The following GOLIM4 variants were observed in gnomAD, a reference collection of about 807,000 sequenced individuals.
GOLIM4 encodes golgi integral membrane protein 4.
GOLIM4 carries 71 observed loss-of-function variants against 107.4 expected under a neutral mutation model. That is an observed-to-expected ratio of 0.66 (90% CI 0.55 to 0.81). The LOEUF (loss-of-function observed/expected upper bound fraction) is 0.81, where lower values mean the gene tolerates loss of function less well. Ranked by LOEUF, GOLIM4 falls within the 30% of genes least tolerant of loss-of-function variation. GOLIM4 has a pLI of 0.00. For missense variants in GOLIM4, 830 were observed against 826.1 expected, an observed-to-expected ratio of 1.00 and a Z score of -0.06; for synonymous variants, 327 against 294.8, an observed-to-expected ratio of 1.11 and a Z score of -1.12.
chr3:168,051,514 T>C (rs554744679), intron 1 of GOLIM4, among the ~76,000 whole-genome samples: 1 of 152,304 alleles, frequency 6.6e-6, no homozygotes, highest in South Asian at 2.1e-4. Flanking sequence ...ATTGTTAAAA[T>C]TCAAAGGTCT....
At chr3:168,061,358 C>A (rs1373206920) in intron 1 of GOLIM4, among the ~76,000 whole-genome samples, 2 of 152,178 alleles carry the variant, frequency 1.3e-5, no homozygotes, top group African/African-American at 2.4e-5. Context: ...AGGAACTCTT[C>A]TACTTTGCTA....
At chr3:168,021,029 T>A (rs1717647742) in intron 14 of GOLIM4, among the ~76,000 whole-genome samples, 1 of 152,222 alleles carries the variant, frequency 6.6e-6, no homozygotes, top group Non-Finnish European at 1.5e-5. Flanking sequence ...AAACAATGCT[T>A]CTTGTTACTC....
intron 1 of GOLIM4, among the ~76,000 whole-genome samples, chr3:168,064,055 C>A (rs1720417286): frequency 6.6e-6 from 1 of 152,140 alleles, no homozygotes; most frequent in African/African-American, 2.4e-5. Flanking sequence ...CATAATATCA[C>A]CCAAGATGGT....
At chr3:168,069,489 C>G (rs1167498900) in intron 1 of GOLIM4, among the ~76,000 whole-genome samples, 2 of 152,084 alleles carry the variant, frequency 1.3e-5, no homozygotes, top group Non-Finnish European at 2.9e-5. Context: ...AATTGATTTT[C>G]CTTCATTTTT....
At chr3:168,055,211 TGGAGG>T (rs1719876524) in intron 1 of GOLIM4, among the ~76,000 whole-genome samples, 1 of 152,106 alleles carries the variant, frequency 6.6e-6, no homozygotes, top group Non-Finnish European at 1.5e-5. Flanking sequence ...TGTAACAGCT[TGGAGG>T]CTCAGAAGAA....
At chr3:168,087,591 T>C (rs1262175624) in intron 1 of GOLIM4, among the ~76,000 whole-genome samples, 3 of 152,204 alleles carry the variant, frequency 2.0e-5, no homozygotes, top group Non-Finnish European at 4.4e-5. Flanking sequence ...ACACCCGTTA[T>C]TTCTGATTCT....
Position 168,029,896 on chromosome 3 carries a change from C to A in GOLIM4, c.1317G>T (p.Leu439=), listed in dbSNP as rs1481246636. 1.2e-6 allele frequency: 2 copies of A among 1,614,160 alleles called. No homozygotes were observed. The highest frequency in any genetic ancestry group is 1.7e-6 in the Non-Finnish European group (2 of 1,180,040). ...EHQEALHQQR[L]QGHLLRQQEQ... Reference sequence around the variant, plus strand: ...CCTGCTGCCGTAGTAAGTGCCCCTGCAGCCTCTGCTGGTGCAAAGCTTCCT... The same window carrying A: ...CCTGCTGCCGTAGTAAGTGCCCCTGAAGCCTCTGCTGGTGCAAAGCTTCCT... Residue 439 remains leucine (L), a synonymous_variant, in exon 10 of 16, where the codon CTG becomes CTT. Coordinates refer to ENST00000470487, the MANE Select transcript of GOLIM4 (RefSeq NM_014498.5).
intron 1 of GOLIM4, among the ~76,000 whole-genome samples, chr3:168,064,473 C>T (rs1370188682): frequency 6.6e-6 from 1 of 151,988 alleles, no homozygotes; most frequent in Non-Finnish European, 1.5e-5. Context: ...CTTTTGAGTC[C>T]GTTATAAGAA....
At chr3:168,085,473 A>G (rs1051477727) in intron 1 of GOLIM4, among the ~76,000 whole-genome samples, 1 of 152,232 alleles carries the variant, frequency 6.6e-6, no homozygotes, top group East Asian at 1.9e-4. Context: ...GCTAATGGAG[A>G]AAATTCAAAG....
intron 1 of GOLIM4, among the ~76,000 whole-genome samples, chr3:168,068,897 C>T (rs947993006): frequency 2.0e-5 from 3 of 150,950 alleles, no homozygotes; most frequent in Non-Finnish European, 4.4e-5. Flanking sequence ...AGCTCAATGG[C>T]ACGATCTCGG....
intron 1 of GOLIM4, among the ~76,000 whole-genome samples, chr3:168,069,818 G>T (rs1260631023): frequency 2.0e-5 from 3 of 152,102 alleles, no homozygotes; most frequent in Non-Finnish European, 4.4e-5. Context: ...TTCCTTAAAG[G>T]AAATCTTAAA....
intron 1 of GOLIM4, among the ~76,000 whole-genome samples, chr3:168,072,066 C>A (rs901538773): frequency 1.3e-5 from 2 of 152,122 alleles, no homozygotes; most frequent in African/African-American, 4.8e-5. Context: ...AATTCTGGTA[C>A]CACTCTGTGG....
In GOLIM4 at chr3:168,037,184, AGAAACAGAGCTGAAG is replaced by A. The variant is rs1378748081; in HGVS notation, c.685-205_685-191del. 2.0e-5 allele frequency among the ~76,000 whole-genome samples: 3 copies of A among 152,148 alleles called. No individual in the cohort carries two copies. The East Asian group carries it at 5.8e-4, about 29-fold the overall frequency. On this transcript the variant is annotated intron_variant, in intron 7 of 15. Transcript: ENST00000470487. ...AATCATTTTTGAGCGCATGCAAATT[AGAAACAGAGCTGAAG>A]GAAACAGAAAAAATATCTAAGACAG...
At chr3:168,050,152 A>C (rs1006555538) in intron 1 of GOLIM4, among the ~76,000 whole-genome samples, 4 of 152,154 alleles carry the variant, frequency 2.6e-5, no homozygotes, top group Non-Finnish European at 1.5e-5. Flanking sequence ...TTATAAAGGA[A>C]TTCAATATAA....
At chr3:168,052,177 G>A (rs138022772) in intron 1 of GOLIM4, among the ~76,000 whole-genome samples, 1 of 152,212 alleles carries the variant, frequency 6.6e-6, no homozygotes, top group Admixed American at 6.5e-5. Flanking sequence ...AGTTAAATGA[G>A]TTCATATATA....
At chr3:168,019,383 TAAAAACA>T (rs1717555496) in intron 14 of GOLIM4, among the ~76,000 whole-genome samples, 2 of 152,132 alleles carry the variant, frequency 1.3e-5, no homozygotes, top group Non-Finnish European at 2.9e-5. Flanking sequence ...TATATATATC[TAAAAACA>T]ATAAACAACT....
rs1180486095 is a variant in GOLIM4, at chr3:168,032,747, G to A, written c.949C>T (p.Pro317Ser). The A allele has an allele frequency of 8.7e-6, 14 of 1,613,960 alleles. No individual in the cohort carries two copies. Among genetic ancestry groups the A allele is most frequent in the African/African-American group, 2.7e-5 (2 of 74,884 alleles). The change falls in exon 9 of 16, where the codon CCC becomes TCC. Residue 317 changes from proline (P) to serine (S), a missense_variant. Coordinates refer to ENST00000470487, the MANE Select transcript of GOLIM4 (RefSeq NM_014498.5). ...ACTTCTTGTTGGATTGGCTCTGGGG[G>A]AGCCTGAAATTCTGCCTCCTTATGG... is the stretch of plus-strand genomic sequence containing the variant. ...PTHKEAEFQAPPEPIQQEVER... is the reference protein window; with the variant it reads ...PTHKEAEFQASPEPIQQEVER...
At chr3:168,024,133 TG>T (rs1319615430) in intron 14 of GOLIM4, among the ~76,000 whole-genome samples, 1 of 152,206 alleles carries the variant, frequency 6.6e-6, no homozygotes, top group Non-Finnish European at 1.5e-5. Context: ...GGGGTATTCC[TG>T]TGAGGTAGGC....
At chr3:168,061,158 T>G (rs1027202352) in intron 1 of GOLIM4, among the ~76,000 whole-genome samples, 2 of 143,670 alleles carry the variant, frequency 1.4e-5, no homozygotes, top group African/African-American at 5.3e-5. Flanking sequence ...AAAAAAAAAA[T>G]GGGGCAAAGA....
Sources: allele counts gnomAD v4.1 joint callset (sites outside exome capture counted in the v4.1 genomes callset), GRCh38; gene constraint gnomAD v4.1.1; transcripts MANE v1.5; gene names NCBI Gene and HGNC (gene_info 2026-07-23, HGNC 2026-07-21).